The following DYNC2H1 variants were observed in gnomAD, a reference collection of about 807,000 sequenced individuals.
DYNC2H1 encodes the protein cytoplasmic dynein 2 heavy chain 1.
A neutral mutation model predicts 570.0 loss-of-function variants in DYNC2H1; 410 were observed. The observed-to-expected ratio is 0.72, with a 90% CI of 0.66 to 0.78. The LOEUF is 0.78. Ranked by LOEUF, DYNC2H1 falls within the 30% of genes least tolerant of loss-of-function variation. DYNC2H1 has a pLI of 0.00. For synonymous variants in DYNC2H1, 1,688 were observed against 1,677.6 expected, an observed-to-expected ratio of 1.01 and a Z score of -0.15; for missense variants, 4,865 against 5,046.4, an observed-to-expected ratio of 0.96 and a Z score of 1.09.
At chr11:103,255,850 TATTAA>T (rs778285318) in intron 67 of DYNC2H1, among the ~76,000 whole-genome samples, 1 of 152,064 alleles carries the variant, frequency 6.6e-6, no homozygotes, top group Non-Finnish European at 1.5e-5. Flanking sequence ...TTTTATTTTT[TATTAA>T]ATTGACAAAA....
chr11:103,413,310 T>TCC (rs1943159511), intron 84 of DYNC2H1, among the ~76,000 whole-genome samples: 3 of 152,332 alleles, frequency 2.0e-5, no homozygotes, highest in Middle Eastern at 3.4e-3. Flanking sequence ...TCCAACTATT[T>TCC]TAACAAATAA....
chr11:103,451,324 CTTTTTTTT>C (rs34032894), intron 85 of DYNC2H1, among the ~76,000 whole-genome samples: 12 of 71,034 alleles, frequency 1.7e-4, no homozygotes, highest in African/African-American at 6.7e-4. Context: ...AGTAAAAGGG[CTTTTTTTT>C]TTTTTTTTTT....
intron 65 of DYNC2H1, among the ~76,000 whole-genome samples, chr11:103,247,919 G>A (rs181134259): frequency 4.9e-4 from 75 of 152,088 alleles, no homozygotes; most frequent in Non-Finnish European, 4.9e-4. Context: ...TATAGGGACC[G>A]AAGACAAGGA....
chr11:103,198,625 A>G (rs1862594943), intron 48 of DYNC2H1, among the ~76,000 whole-genome samples: 1 of 152,176 alleles, frequency 6.6e-6, no homozygotes, highest in African/African-American at 2.4e-5. Flanking sequence ...TGTGGATTTT[A>G]TATCAGGAAA....
At chr11:103,470,335 A>G (rs1212993881) in intron 88 of DYNC2H1, among the ~76,000 whole-genome samples, 1 of 152,224 alleles carries the variant, frequency 6.6e-6, no homozygotes, top group African/African-American at 2.4e-5. Context: ...TTAATTTGAA[A>G]AATAGCTCAT....
intron 87 of DYNC2H1, among the ~76,000 whole-genome samples, chr11:103,466,370 T>G (rs1945194080): frequency 6.6e-6 from 1 of 152,150 alleles, no homozygotes; most frequent in Admixed American, 6.6e-5. Context: ...CTACTCAGGA[T>G]TTCTTTAGAC....
intron 83 of DYNC2H1, among the ~76,000 whole-genome samples, chr11:103,371,452 G>A: frequency 6.6e-6 from 1 of 152,058 alleles, no homozygotes; most frequent in Non-Finnish European, 1.5e-5. Flanking sequence ...CATACAAGAA[G>A]GTTGTAGAAT....
At chr11:103,471,916 ATGACC>A (rs765623043) in intron 88 of DYNC2H1, among the ~76,000 whole-genome samples, 3 of 152,212 alleles carry the variant, frequency 2.0e-5, no homozygotes, top group Non-Finnish European at 4.4e-5. Flanking sequence ...GGAAAGTCAG[ATGACC>A]TCGCTGAGAG....
At chr11:103,399,614 C>A in intron 83 of DYNC2H1, 49 bp from the exon 84 acceptor site, 1 of 1,314,144 alleles carries the variant, frequency 7.6e-7, no homozygotes, top group Non-Finnish European at 1.1e-6. Context: ...TTTTATATAT[C>A]AGTGATCTGT....
intron 36 of DYNC2H1, among the ~76,000 whole-genome samples, chr11:103,174,768 C>G (rs971990202): frequency 1.3e-5 from 2 of 152,060 alleles, no homozygotes; most frequent in Non-Finnish European, 2.9e-5. Flanking sequence ...TATGACATCA[C>G]TAGTTATGTT....
chr11:103,172,514 T>G (rs1861617601), intron 34 of DYNC2H1, among the ~76,000 whole-genome samples: 2 of 152,132 alleles, frequency 1.3e-5, no homozygotes, highest in Admixed American at 6.6e-5. Flanking sequence ...TCTAGATGCT[T>G]CTACTTACTA....
chr11:103,233,296 T>G (rs936456766), intron 60 of DYNC2H1, among the ~76,000 whole-genome samples: 18 of 1,366 alleles, frequency 0.013, no homozygotes, highest in African/African-American at 0.068. Context: ...AATGCTGGTT[T>G]TTTTTTTTTT....
At chr11:103,282,293 A>C (rs2135341847) in intron 72 of DYNC2H1, 64 bp downstream of exon 72, 4 of 1,491,248 alleles carry the variant, frequency 2.7e-6, no homozygotes, top group Non-Finnish European at 1.8e-6. Context: ...TTTGTTCATG[A>C]GGTATAATTT....
chr11:103,177,555 G>T lies in DYNC2H1; in HGVS notation c.5875-1G>T. On this transcript the variant is annotated splice_acceptor_variant, in intron 37 of 88. Transcript: ENST00000375735. LOFTEE classifies it high-confidence loss of function. This position sits in a 1 kb window ranked among gnomAD's most constrained non-coding sequence, Gnocchi z 4.4. ...ATATGAACATATTTCTTTCCTACTAGATCAAAAAGGCTTTAGAATTGTATG... is the reference window on the plus strand; with the variant it reads ...ATATGAACATATTTCTTTCCTACTATATCAAAAAGGCTTTAGAATTGTATG... The T allele has an allele frequency of 1.3e-6, 2 of 1,599,488 alleles. No homozygotes were observed. The highest frequency in any genetic ancestry group is 8.5e-7 in the Non-Finnish European group (1 of 1,176,386).
intron 46 of DYNC2H1, 128 bp from the exon 47 acceptor site, chr11:103,191,969 C>T (rs2135052468): frequency 4.5e-6 from 3 of 671,168 alleles, no homozygotes; most frequent in Admixed American, 3.7e-5. Flanking sequence ...AACTTTTTTT[C>T]CTTTCTTCCA....
At chr11:103,346,556 A>G (rs1029493903) in intron 82 of DYNC2H1, among the ~76,000 whole-genome samples, 1 of 152,184 alleles carries the variant, frequency 6.6e-6, no homozygotes, top group Admixed American at 6.6e-5. Flanking sequence ...AGTCTGTTTC[A>G]TTTTGTAATG....
At chr11:103,282,941 C>G in intron 72 of DYNC2H1, 67 bp from the exon 73 acceptor site, 1 of 1,105,414 alleles carries the variant, frequency 9.0e-7, no homozygotes, top group Non-Finnish European at 1.3e-6. Context: ...AATAGCTAAT[C>G]AATTGCTATT....
At chr11:103,323,133 G>T (rs955776166) in intron 81 of DYNC2H1, among the ~76,000 whole-genome samples, 4 of 152,184 alleles carry the variant, frequency 2.6e-5, no homozygotes, top group African/African-American at 9.7e-5. Context: ...TGCACGTGCA[G>T]TACTTGCCTT....
chr11:103,341,541 C>A (rs1424163021), intron 82 of DYNC2H1, among the ~76,000 whole-genome samples: 1 of 152,144 alleles, frequency 6.6e-6, no homozygotes, highest in African/African-American at 2.4e-5. Context: ...ATTAGACTAT[C>A]TCAAAGTGGG....
Sources: gnomAD v4.1 joint callset for allele counts (sites outside exome capture counted in the v4.1 genomes callset) on GRCh38, gnomAD v4.1.1 for gene constraint, Gnocchi (gnomAD v3.1) non-coding constraint, MANE v1.5 for transcripts, NCBI Gene and HGNC (gene_info 2026-07-23, HGNC 2026-07-21) for gene names.